The following HTT variants were observed in gnomAD, a reference collection of about 807,000 sequenced individuals.
The protein encoded by HTT is huntingtin.
HTT carries 104 observed loss-of-function variants against 362.3 expected under a neutral mutation model. The observed-to-expected ratio is 0.29, with a 90% CI of 0.24 to 0.34. The LOEUF (loss-of-function observed/expected upper bound fraction) is 0.34, where lower values mean the gene tolerates loss of function less well. Among genes scored for constraint, HTT ranks in the 10% least tolerant of loss-of-function variants. The pLI, the probability that HTT is intolerant of heterozygous loss-of-function variation, is 1.00. For synonymous variants in HTT, 1,577 were observed against 1,548.7 expected (o/e 1.02, Z -0.43); for missense variants, 3,301 against 3,928.6 (o/e 0.84, Z 4.27).
intron 26 of HTT, among the ~76,000 whole-genome samples, chr4:3,149,956 C>G (rs1716797253): frequency 6.6e-6 from 1 of 152,190 alleles, no homozygotes; most frequent in South Asian, 2.1e-4. Flanking sequence ...CTGGTCCTGC[C>G]TGCCTTTCCC....
In HTT at chr4:3,239,949, C is replaced by T; in HGVS notation, c.9319C>T (p.Leu3107Phe). 6.3e-7 allele frequency: 1 copy of T among 1,588,284 alleles called. No homozygotes were observed. The highest frequency in any genetic ancestry group is 1.3e-5 in the African/African-American group (1 of 74,834). ...DFYRHQIEEE[L>F]DRRAFQSVLE... ...CTACAGACACCAGATAGAGGAGGAG[C>T]TCGACCGCAGGGCCTTCCAGTCTGT... Residue 3107 changes from leucine to phenylalanine, a missense_variant, in exon 67 of 67, where the codon CTC (leucine) becomes TTC (phenylalanine). By Grantham distance (22) the Leu-to-Phe change is conservative (BLOSUM62 0). This residue lies in a region of HTT where 753 missense variants were observed against 1,021.3 expected (regional missense o/e 0.74). Coordinates refer to ENST00000355072, the MANE Select transcript of HTT (RefSeq NM_001388492.1).
chr4:3,078,726 G>A (rs1436864606), intron 1 of HTT, among the ~76,000 whole-genome samples: 2 of 150,568 alleles, frequency 1.3e-5, no homozygotes, highest in African/African-American at 5.0e-5. Flanking sequence ...GCACTGCCAT[G>A]CCTGGGTAAT....
At chr4:3,083,750 G>A (rs28867436) in intron 1 of HTT, among the ~76,000 whole-genome samples, 70,850 of 151,844 alleles carry the variant, frequency 0.47, 17,115 homozygotes, top group African/African-American at 0.57. Context: ...TGAACATACC[G>A]TTAGTATACA....
intron 2 of HTT, among the ~76,000 whole-genome samples, chr4:3,088,139 T>G (rs1042484655): frequency 7.2e-6 from 1 of 139,832 alleles, no homozygotes; most frequent in Non-Finnish European, 1.6e-5. Context: ...GCCCGGTGAT[T>G]CATTTGTTTT....
In HTT at chr4:3,240,101, G is replaced by T; in HGVS notation, c.*42G>T. The T allele has an allele frequency of 2.6e-6, 4 of 1,509,468 alleles. No homozygotes were observed. The highest frequency in any genetic ancestry group is 3.6e-6 in the Non-Finnish European group (4 of 1,109,600). The allele number at this position is 1,509,468 out of a possible 1,614,324, so 93.5% of individuals were successfully genotyped here. ...GACTGTGAGGCGGCAGCTGGGGCCGGAGCCTTTGGAAGTCTGCGCCCTTGT... is the reference window on the plus strand; with the variant it reads ...GACTGTGAGGCGGCAGCTGGGGCCGTAGCCTTTGGAAGTCTGCGCCCTTGT... On this transcript the variant is annotated 3_prime_UTR_variant, in exon 67 of 67. Transcript: ENST00000355072.
chr4:3,171,502 G>A (rs1376556053), intron 29 of HTT, among the ~76,000 whole-genome samples: 24 of 142,840 alleles, frequency 1.7e-4, no homozygotes, highest in Admixed American at 1.5e-3. Flanking sequence ...ATGGACTTTC[G>A]CTCTTGTTGC....
At chr4:3,176,255 C>G (rs757908556) in intron 33 of HTT, among the ~76,000 whole-genome samples, 7 of 152,156 alleles carry the variant, frequency 4.6e-5, no homozygotes, top group Non-Finnish European at 7.4e-5. Context: ...TCTCCATCTC[C>G]TGACCTCGTG....
Position 3,171,004 on chromosome 4 carries a change from G to A in HTT, c.3865-1316G>A, listed in dbSNP as rs181240889. Among the ~76,000 whole-genome samples the A allele has an allele frequency of 3.2e-3, 480 of 152,266 alleles. 1 individual carries two copies. The highest frequency in any genetic ancestry group is 0.011 in the African/African-American group (442 of 41,550). ...CAGCATGCTTTCTCACCTTTTCCAGGGCTTCAGTTTCTGGTGCACATCAAG... is the reference window on the plus strand; with the variant it reads ...CAGCATGCTTTCTCACCTTTTCCAGAGCTTCAGTTTCTGGTGCACATCAAG... On this transcript the variant is annotated intron_variant, in intron 29 of 66. Coordinates refer to ENST00000355072, the MANE Select transcript of HTT (RefSeq NM_001388492.1).
At chr4:3,126,144 C>A (rs1395716155) in intron 11 of HTT, among the ~76,000 whole-genome samples, 2 of 152,220 alleles carry the variant, frequency 1.3e-5, no homozygotes, top group African/African-American at 4.8e-5. Context: ...CCTCCGCCTT[C>A]TGGGTTCCAG....
chr4:3,131,815 C>A, intron 16 of HTT, 40 bp downstream of exon 16: 1 of 1,575,726 alleles, frequency 6.3e-7, no homozygotes, highest in South Asian at 1.1e-5. Context: ...CAGATTTAAT[C>A]ATTATTGTAA....
chr4:3,110,979 C>A lies in HTT; in HGVS notation c.747+3556C>A, dbSNP rs766526253. Among the ~76,000 whole-genome samples, 120 of 151,842 alleles carry A rather than the reference C, an allele frequency of 7.9e-4. 1 individual carries two copies. The highest frequency in any genetic ancestry group is 2.0e-4 in the Admixed American group (3 of 15,238). On this transcript the variant is annotated intron_variant, in intron 6 of 66. Coordinates refer to ENST00000355072, the MANE Select transcript of HTT (RefSeq NM_001388492.1). ...CTTTTTCTGGTACTTTTTAGATATC[C>A]ATCTCAAACTCTTCTATTCATTGTT...
chr4:3,169,106 C>T lies in HTT; in HGVS notation c.3865-3214C>T, dbSNP rs1489705436. On this transcript the variant is annotated intron_variant, in intron 29 of 66. Transcript: ENST00000355072. ...CTATCTTGGCTCACTGCAAGCTCTG[C>T]CTCCTGGGTTCACGCCATTCTCCTG... Among the ~76,000 whole-genome samples, 3 of 151,616 alleles carry T rather than the reference C, an allele frequency of 2.0e-5. No homozygotes were observed. In the East Asian group the frequency reaches 5.8e-4, roughly 29 times the overall value.
Position 3,228,743 on chromosome 4 carries a change from C to T in HTT, c.7977C>T (p.Ser2659=). ...PSSPPTSPVN[S]RKHRAGVDIH... is the part of the protein sequence containing the mutation. Reference sequence around the variant, plus strand: ...CACCACCCACGTCTCCAGTCAACTCCAGGTTTTCCAATGGCCTTTTTCTTT... The same window carrying T: ...CACCACCCACGTCTCCAGTCAACTCTAGGTTTTCCAATGGCCTTTTTCTTT... Residue 2659 remains serine, a splice_region_variant and synonymous_variant, in exon 58 of 67, where the codon TCC becomes TCT. Coordinates refer to ENST00000355072, the MANE Select transcript of HTT (RefSeq NM_001388492.1). The surrounding 1 kb of genome is among the most constrained non-coding windows in gnomAD (Gnocchi z 4.3). The T allele has an allele frequency of 6.3e-7, 1 of 1,583,056 alleles. No homozygotes were observed. The highest frequency in any genetic ancestry group is 8.6e-7 in the Non-Finnish European group (1 of 1,163,470).
At chr4:3,213,705 C>A (rs1308136056) in intron 49 of HTT, among the ~76,000 whole-genome samples, 1 of 152,162 alleles carries the variant, frequency 6.6e-6, no homozygotes, top group Non-Finnish European at 1.5e-5. Context: ...TCTACAGGAG[C>A]CCACAGCGCT....
rs758534189 is a variant in HTT, at chr4:3,121,353, C to G, written c.1194C>G (p.Val398=). The G allele has an allele frequency of 1.2e-6, 2 of 1,613,972 alleles. No homozygotes were observed. The highest frequency in any genetic ancestry group is 1.7e-5 in the Admixed American group (1 of 60,000). Reference sequence around the variant, plus strand: ...AGCTTCTGCAAACCCTGACCGCAGTCGGGGGCATTGGGCAGCTCACCGCTG... The same window carrying G: ...AGCTTCTGCAAACCCTGACCGCAGTGGGGGGCATTGGGCAGCTCACCGCTG... ...PPELLQTLTA[V]GGIGQLTAAK... The change falls in exon 9 of 67, where the codon GTC becomes GTG. Residue 398 remains valine, a synonymous_variant. Transcript: ENST00000355072.
intron 53 of HTT, among the ~76,000 whole-genome samples, chr4:3,222,139 T>A (rs977134435): frequency 6.6e-6 from 1 of 152,250 alleles, no homozygotes; most frequent in Admixed American, 6.5e-5. Context: ...CAGGGCCGAC[T>A]TGGGCCTGTG....
At position 3,236,241 on chromosome 4, in the gene HTT, G is replaced by A; in HGVS notation, c.8878G>A (p.Val2960Ile). ...GATTGTTGCTATGGAGCGGGTATCT[G>A]TTCTTTTTGATAGGTAAGAAGCGAA... Reference protein sequence around the residue: ...SVIVAMERVSVLFDRIRKGFP... With the variant: ...SVIVAMERVSILFDRIRKGFP... The change falls in exon 64 of 67, where the codon GTT becomes ATT. Residue 2960 changes from valine to isoleucine, a missense_variant. Val to Ile is a conservative substitution (Grantham distance 29, BLOSUM62 3). Transcript: ENST00000355072. 6.2e-7 allele frequency: 1 copy of A among 1,612,470 alleles called. No homozygotes were observed. The highest frequency in any genetic ancestry group is 8.5e-7 in the Non-Finnish European group (1 of 1,178,436).
rs772664069 is a variant in HTT, at chr4:3,172,408, C to T, written c.3942+11C>T. ...GTTTGTGTTCAACAAGTAAGAGCTT[C>T]ATTCTTTTCCTCTTCTGTTAAGACG... On this transcript the variant is annotated intron_variant, in intron 30 of 66. Transcript: ENST00000355072. 17 of 1,565,508 alleles carry T rather than the reference C, an allele frequency of 1.1e-5. No individual in the cohort carries two copies. The South Asian group carries it at 1.1e-4, about 10-fold the overall frequency.
At chr4:3,186,953 G>C (rs903609616) in intron 38 of HTT, among the ~76,000 whole-genome samples, 1 of 148,868 alleles carries the variant, frequency 6.7e-6, no homozygotes, top group African/African-American at 2.5e-5. Flanking sequence ...CTGCCTTCCA[G>C]CTTCACACCA....
Sources: gnomAD v4.1 joint callset for allele counts (sites outside exome capture counted in the v4.1 genomes callset) on GRCh38, gnomAD v4.1.1 for gene constraint, gnomAD v4.1.1 regional missense constraint, Gnocchi (gnomAD v3.1) non-coding constraint, MANE v1.5 for transcripts, NCBI Gene and HGNC (gene_info 2026-07-23, HGNC 2026-07-21) for gene names.